GMPR: variants seen among roughly 807,000 people sequenced by gnomAD.
The protein encoded by GMPR is guanosine monophosphate reductase.
Under a neutral mutation model 38.4 loss-of-function variants are expected in GMPR, and 31 were observed. The observed-to-expected ratio is 0.81, with a 90% CI of 0.61 to 1.09. The LOEUF is 1.09. GMPR is among the 50% of genes least tolerant of loss of function. The probability of loss-of-function intolerance (pLI) is 0.00; values close to 1 mark genes in which losing one functional copy is unlikely to be tolerated. For synonymous variants in GMPR, 162 were observed against 173.3 expected, an observed-to-expected ratio of 0.93 and a Z score of 0.51; for missense variants, 468 against 453.7, an observed-to-expected ratio of 1.03 and a Z score of -0.29.
chr6:16,247,026 G>C, intron 2 of GMPR, 65 bp downstream of exon 2: 2 of 1,494,900 alleles, frequency 1.3e-6, no homozygotes, highest in Non-Finnish European at 1.8e-6. Flanking sequence ...ATCAGGAGCC[G>C]ACCCTGGCTT....
At chr6:16,282,893 C>T (rs961500542) in intron 6 of GMPR, among the ~76,000 whole-genome samples, 2 of 151,452 alleles carry the variant, frequency 1.3e-5, no homozygotes, top group African/African-American at 4.9e-5. Flanking sequence ...ACTGCAACCT[C>T]TGTCTCCCAG....
chr6:16,253,472 A>G (rs888780507), intron 3 of GMPR, among the ~76,000 whole-genome samples: 1 of 152,046 alleles, frequency 6.6e-6, no homozygotes, highest in Non-Finnish European at 1.5e-5. Flanking sequence ...TGGGAGAGAG[A>G]AAGAGAGGGT....
intron 3 of GMPR, 88 bp from the exon 4 acceptor site, chr6:16,254,474 T>G: frequency 8.9e-7 from 1 of 1,119,664 alleles, no homozygotes; most frequent in Non-Finnish European, 1.3e-6. Context: ...GTTGTTGTAC[T>G]GTCCCAGAAT....
In GMPR at chr6:16,238,648, CCCCCG is replaced by C. The variant is rs1042353950; in HGVS notation, c.-38_-34del. The C allele has an allele frequency of 8.5e-5, 80 of 946,260 alleles. No individual in the cohort carries two copies. Among genetic ancestry groups the C allele is most frequent in the Non-Finnish European group, 1.1e-4 (78 of 730,056 alleles). 58.6% of individuals were successfully genotyped at this position (946,260 alleles called of 1,614,324 possible). On this transcript the variant is annotated 5_prime_UTR_variant, in exon 1 of 9. Transcript: ENST00000259727. The stretch of plus-strand genomic sequence containing the variant: ...CTCCCCGCGCCGCCCCGCGCAGGCG[CCCCCG>C]CCCCGCCGTCGCCGCCGCCGCAGCC...
At chr6:16,243,025 G>A (rs143215250) in intron 1 of GMPR, among the ~76,000 whole-genome samples, 6 of 152,174 alleles carry the variant, frequency 3.9e-5, no homozygotes, top group African/African-American at 1.4e-4. Context: ...AACTAAGTAA[G>A]GTCACATTTA....
intron 4 of GMPR, among the ~76,000 whole-genome samples, chr6:16,265,446 G>A (rs1759174864): frequency 6.6e-6 from 1 of 152,226 alleles, no homozygotes; most frequent in Non-Finnish European, 1.5e-5. Context: ...CATGCCACCA[G>A]TTCAGGCTTG....
At chr6:16,266,132 GCCATCTTTAAGAGCTGTA>G (rs1561826949) in intron 4 of GMPR, among the ~76,000 whole-genome samples, 1 of 106,276 alleles carries the variant, frequency 9.4e-6, no homozygotes, top group Non-Finnish European at 1.9e-5. Context: ...TGTAACACTT[GCCATCTTTAAGAGCTGTA>G]ACACTTGCCA....
chr6:16,295,013 G>A lies in GMPR; in HGVS notation c.865G>A (p.Glu289Lys), dbSNP rs530270529. The A allele has an allele frequency of 6.2e-7, 1 of 1,607,418 alleles. No individual in the cohort carries two copies. Among genetic ancestry groups the A allele is most frequent in the East Asian group, 2.3e-5 (1 of 44,294 alleles). ...ACTTCTATCGTCTTCCAGAGCCTCT[G>A]AGGGTAAGACTGTGGAAGTTCCTTA... The part of the protein sequence containing the change: ...AGGVAEYRAS[E>K]GKTVEVPYKG... The change falls in exon 9 of 9, where the codon GAG (glutamate) becomes AAG (lysine). Residue 289 changes from glutamate to lysine, a missense_variant. Physicochemically the swap from Glu to Lys is moderately conservative, Grantham distance 56 (BLOSUM62 1). Transcript: ENST00000259727.
chr6:16,262,235 C>T (rs1051604820), intron 4 of GMPR: 1 of 151,718 alleles, frequency 6.6e-6, no homozygotes, highest in South Asian at 2.1e-4. Context: ...AGGGGGCTTC[C>T]GAGGCGATCG....
chr6:16,252,761 G>C (rs1758900429), intron 3 of GMPR, among the ~76,000 whole-genome samples: 1 of 152,234 alleles, frequency 6.6e-6, no homozygotes. Flanking sequence ...AAAAAAAGCA[G>C]AGCTCTGGTG....
Position 16,260,289 on chromosome 6 carries a change from G to C in GMPR, c.465+5554G>C, listed in dbSNP as rs554559874. ...CTGAATACTAAGAGCCTGAAAAACT[G>C]CTTGGCTGATTTGACTAATAAAGGC... On this transcript the variant is annotated intron_variant, in intron 4 of 8. Coordinates refer to ENST00000259727, the MANE Select transcript of GMPR (RefSeq NM_006877.4). 5.3e-4 allele frequency among the ~76,000 whole-genome samples: 81 copies of C among 152,038 alleles called. 2 individuals are homozygous for C. Among genetic ancestry groups the C allele is most frequent in the African/African-American group, 1.8e-3 (74 of 41,526 alleles).
chr6:16,245,386 T>C (rs1758733267), intron 1 of GMPR, among the ~76,000 whole-genome samples: 1 of 152,210 alleles, frequency 6.6e-6, no homozygotes, highest in Admixed American at 6.5e-5. Context: ...AGCGGTCCCA[T>C]GGTGTTTTCT....
intron 3 of GMPR, among the ~76,000 whole-genome samples, 181 bp from the exon 4 acceptor site, chr6:16,254,381 A>G (rs896648025): frequency 6.6e-6 from 1 of 152,206 alleles, no homozygotes; most frequent in African/African-American, 2.4e-5. Context: ...TAGATAATTT[A>G]ATGAATGAAT....
intron 4 of GMPR, among the ~76,000 whole-genome samples, chr6:16,263,667 G>A (rs1030404600): frequency 1.4e-5 from 2 of 142,736 alleles, no homozygotes; most frequent in Non-Finnish European, 3.0e-5. Flanking sequence ...AGAGATAAGA[G>A]GTCAGGGCAC....
intron 3 of GMPR, 105 bp downstream of exon 3, chr6:16,250,472 CG>C: frequency 1.3e-6 from 1 of 750,898 alleles, no homozygotes; most frequent in Non-Finnish European, 2.4e-6. Context: ...ATTGAGAGTT[CG>C]GTGTTTCTCT....
At chr6:16,259,117 G>C (rs888966538) in intron 4 of GMPR, 1 of 152,118 alleles carries the variant, frequency 6.6e-6, no homozygotes, top group Non-Finnish European at 1.5e-5. Flanking sequence ...GAGAGTCAGC[G>C]AAGGGAGATA....
At chr6:16,242,208 C>T (rs560204522) in intron 1 of GMPR, among the ~76,000 whole-genome samples, 5 of 152,230 alleles carry the variant, frequency 3.3e-5, no homozygotes, top group East Asian at 1.9e-4. Flanking sequence ...CCAGCAGTCC[C>T]GTGAGAAGAG....
In GMPR at chr6:16,272,083, G is replaced by A. The variant is rs574199937; in HGVS notation, c.466-2332G>A. 3.3e-5 allele frequency among the ~76,000 whole-genome samples: 5 copies of A among 152,080 alleles called. No individual in the cohort carries two copies. In the East Asian group the frequency reaches 9.7e-4, roughly 29 times the overall value. ...AAAATTAGCCAGGCAGTGGGGGCGT[G>A]TGCCTGTAATACCAGCTACTAGGGA... On this transcript the variant is annotated intron_variant, in intron 4 of 8. Coordinates refer to ENST00000259727, the MANE Select transcript of GMPR (RefSeq NM_006877.4).
At chr6:16,271,307 G>A (rs1561829890) in intron 4 of GMPR, among the ~76,000 whole-genome samples, 1 of 152,124 alleles carries the variant, frequency 6.6e-6, no homozygotes, top group South Asian at 2.1e-4. Context: ...GCAACAAGGC[G>A]AAACTCTGTC....
Sources: gnomAD v4.1 joint callset for allele counts (sites outside exome capture counted in the v4.1 genomes callset) on GRCh38, gnomAD v4.1.1 for gene constraint, MANE v1.5 for transcripts, NCBI Gene and HGNC (gene_info 2026-07-23, HGNC 2026-07-21) for gene names.